The following SEPTIN11 variants were observed in gnomAD, a reference collection of about 807,000 sequenced individuals.
SEPTIN11 encodes septin 11.
In SEPTIN11, 25 loss-of-function variants were observed where a neutral mutation model predicts 51.4. The ratio of observed to expected loss-of-function variants is 0.49; its 90% CI spans 0.35 to 0.68. SEPTIN11 has a LOEUF of 0.68. SEPTIN11 is among the 30% of genes least tolerant of loss of function. The pLI, the probability that SEPTIN11 is intolerant of heterozygous loss-of-function variation, is 0.00. For synonymous variants in SEPTIN11, 174 were observed against 184.1 expected (o/e 0.95, Z 0.44); for missense variants, 381 against 520.8 (o/e 0.73, Z 2.61).
intron 2 of SEPTIN11, among the ~76,000 whole-genome samples, 178 bp from the exon 3 acceptor site, chr4:77,005,423 T>A (rs184402531): frequency 1.8e-4 from 28 of 152,352 alleles, no homozygotes; most frequent in Non-Finnish European, 4.1e-4. Flanking sequence ...TGAGGCATTT[T>A]TAGGAAGGTA....
At position 77,035,933 on chromosome 4, in the gene SEPTIN11, C is replaced by T; in HGVS notation, c.*1421C>T. 1 of 985,890 alleles carries T rather than the reference C, an allele frequency of 1.0e-6. No individual in the cohort carries two copies. The highest frequency in any genetic ancestry group is 1.2e-6 in the Non-Finnish European group (1 of 829,936). 61.1% of individuals were successfully genotyped at this position (985,890 alleles called of 1,614,324 possible). ...TCTACATGTAGAAAGGATAACATTT[C>T]TCATGAACCCACTGCCCCTCTGCAT... On this transcript the variant is annotated 3_prime_UTR_variant, in exon 10 of 10. Transcript: ENST00000264893.
chr4:77,035,361 CT>C lies in SEPTIN11; in HGVS notation c.*850del. ...AGTAAGGAATCTTTCATAAACACAC[CT>C]CAGTTTGTTCCCAGTGGGCTTAGAG... On this transcript the variant is annotated 3_prime_UTR_variant, in exon 10 of 10. Transcript: ENST00000264893. 1 of 985,404 alleles carries C rather than the reference CT, an allele frequency of 1.0e-6. No homozygotes were observed. The highest frequency in any genetic ancestry group is 1.7e-5 in the African/African-American group (1 of 57,342). The allele number at this position is 985,404 out of a possible 1,614,324, so 61.0% of individuals were successfully genotyped here. A position where few individuals can be genotyped will look rare whatever the true frequency, so the allele number is the denominator to read the frequency against.
chr4:77,016,636 A>ATATATATATATATATATATG (rs1725302824), intron 5 of SEPTIN11, among the ~76,000 whole-genome samples: 3 of 90,288 alleles, frequency 3.3e-5, no homozygotes, highest in Non-Finnish European at 7.0e-5. Context: ...ATATACACAT[A>ATATATATATATATATATATG]TATATATATA....
rs10031961 is a variant in SEPTIN11, at chr4:77,035,295, T to A, written c.*783T>A. The A allele has an allele frequency of 0.036, 35,460 of 985,050 alleles. 1,353 individuals carry two copies. The highest frequency in any genetic ancestry group is 0.18 in the African/African-American group (10,321 of 57,268). The allele number at this position is 985,050 out of a possible 1,614,324, so 61.0% of individuals were successfully genotyped here. A position where few individuals can be genotyped will look rare whatever the true frequency, so the allele number is the denominator to read the frequency against. ...ACATTGCTTAGTAGAAGAATCTTCT[T>A]CTAAGGATGATGGGCTTTCTACAGC... On this transcript the variant is annotated 3_prime_UTR_variant, in exon 10 of 10. Transcript: ENST00000264893.
intron 7 of SEPTIN11, among the ~76,000 whole-genome samples, chr4:77,023,739 TC>T (rs1459113608): frequency 1.3e-5 from 2 of 152,148 alleles, no homozygotes; most frequent in Admixed American, 6.5e-5. Flanking sequence ...CCTCAGCACT[TC>T]CTGTGCACCT....
At chr4:77,003,165 C>T (rs1292739174) in intron 2 of SEPTIN11, among the ~76,000 whole-genome samples, 3 of 152,096 alleles carry the variant, frequency 2.0e-5, no homozygotes, top group Admixed American at 1.3e-4. Flanking sequence ...ATTCAAATAC[C>T]CAAAGAGAAA....
At chr4:76,982,409 C>G (rs557633893) in intron 1 of SEPTIN11, among the ~76,000 whole-genome samples, 1 of 152,144 alleles carries the variant, frequency 6.6e-6, no homozygotes, top group Non-Finnish European at 1.5e-5. Context: ...CGGGGTTTCA[C>G]CATGTTGGCC....
intron 2 of SEPTIN11, among the ~76,000 whole-genome samples, chr4:77,004,042 T>C (rs754925724): frequency 1.3e-5 from 2 of 152,232 alleles, no homozygotes; most frequent in Non-Finnish European, 2.9e-5. Flanking sequence ...TCCATCATCA[T>C]ATGCTCAGCC....
At chr4:76,985,633 G>A (rs1722987632) in intron 1 of SEPTIN11, among the ~76,000 whole-genome samples, 2 of 152,150 alleles carry the variant, frequency 1.3e-5, no homozygotes, top group South Asian at 4.1e-4. Flanking sequence ...TTTTAGATTC[G>A]GCTTCATCCA....
intron 1 of SEPTIN11, among the ~76,000 whole-genome samples, chr4:76,987,486 C>T (rs1723094280): frequency 6.6e-6 from 1 of 152,160 alleles, no homozygotes; most frequent in African/African-American, 2.4e-5. Context: ...TTGAAAGCAT[C>T]CCGATGCTGG....
chr4:76,958,783 TTA>T lies in SEPTIN11; in HGVS notation c.27+8855_27+8856del. 9.0e-6 allele frequency: 8 copies of T among 893,644 alleles called. No individual in the cohort carries two copies. The East Asian group carries it at 1.1e-4, about 12-fold the overall frequency. 55.4% of individuals were successfully genotyped at this position (893,644 alleles called of 1,614,324 possible). A position where few individuals can be genotyped will look rare whatever the true frequency, so the allele number is the denominator to read the frequency against. ...CAATTAGGTTTATAATCTTCATACT[TTA>T]TGTTTTTTGTAAATTAAAAAAAAAT... On this transcript the variant is annotated intron_variant, in intron 1 of 9. Transcript: ENST00000264893.
chr4:76,982,297 G>A (rs184196719), intron 1 of SEPTIN11, among the ~76,000 whole-genome samples: 14 of 151,228 alleles, frequency 9.3e-5, no homozygotes, highest in Admixed American at 2.0e-4. Context: ...TGTAACCTCC[G>A]CCTCCTGGGT....
intron 1 of SEPTIN11, chr4:76,973,191 G>A (rs1024813540): frequency 6.6e-6 from 1 of 152,242 alleles, no homozygotes; most frequent in South Asian, 2.1e-4. Context: ...AAGCCTGTGT[G>A]GGGGGAAACA....
chr4:76,955,741 A>C (rs1051021785), intron 1 of SEPTIN11, among the ~76,000 whole-genome samples: 21 of 152,222 alleles, frequency 1.4e-4, no homozygotes, highest in African/African-American at 4.1e-4. Context: ...ACCCTTAAAG[A>C]ATAGAGGAAA....
intron 1 of SEPTIN11, among the ~76,000 whole-genome samples, chr4:76,981,744 ATT>A (rs5859555): frequency 0.018 from 2,656 of 146,218 alleles, 19 homozygotes; most frequent in African/African-American, 0.029. Flanking sequence ...CAAGATATGC[ATT>A]TTTTTTTTTT....
intron 2 of SEPTIN11, among the ~76,000 whole-genome samples, chr4:76,997,670 C>T (rs1189383070): frequency 1.3e-5 from 2 of 152,134 alleles, no homozygotes; most frequent in Admixed American, 6.5e-5. Flanking sequence ...CTTTTCCCTA[C>T]GTGAAGCCTT....
chr4:76,966,732 C>A (rs955210454), intron 1 of SEPTIN11, among the ~76,000 whole-genome samples: 1 of 151,706 alleles, frequency 6.6e-6, no homozygotes. Context: ...GAGGTGGTGG[C>A]GCTCACCTGT....
chr4:77,000,259 G>A (rs1412911519), intron 2 of SEPTIN11, among the ~76,000 whole-genome samples: 1 of 152,234 alleles, frequency 6.6e-6, no homozygotes, highest in Non-Finnish European at 1.5e-5. Flanking sequence ...ACAGGTAAGT[G>A]TAAGGCCATC....
chr4:77,004,904 A>G (rs11734875), intron 2 of SEPTIN11, among the ~76,000 whole-genome samples: 1 of 152,186 alleles, frequency 6.6e-6, no homozygotes, highest in South Asian at 2.1e-4. Flanking sequence ...TGAAGGTTGC[A>G]GTGAGCCGAG....
Sources: allele counts gnomAD v4.1 joint callset (sites outside exome capture counted in the v4.1 genomes callset), GRCh38; gene constraint gnomAD v4.1.1; transcripts MANE v1.5; gene names NCBI Gene and HGNC (gene_info 2026-07-23, HGNC 2026-07-21).